Variants in DEGS1 observed in about 807,000 individuals in gnomAD.
DEGS1 encodes the protein sphingolipid delta(4)-desaturase DES1.
Under a neutral mutation model 24.1 loss-of-function variants are expected in DEGS1, and 17 were observed. The observed-to-expected ratio is 0.70, with a 90% CI of 0.48 to 1.06. DEGS1 has a LOEUF of 1.06. Ranked by LOEUF, DEGS1 falls within the 50% of genes least tolerant of loss-of-function variation. DEGS1 has a pLI of 0.00. For synonymous variants in DEGS1, 134 were observed against 140.0 expected (o/e 0.96, Z 0.30); for missense variants, 366 against 408.9 (o/e 0.90, Z 0.91).
chr1:224,187,268 A>G (rs557494370), intron 1 of DEGS1, among the ~76,000 whole-genome samples: 1 of 152,158 alleles, frequency 6.6e-6, no homozygotes, highest in African/African-American at 2.4e-5. Context: ...AGATCTCACC[A>G]TTGCACTCCA....
intron 1 of DEGS1, among the ~76,000 whole-genome samples, chr1:224,186,521 G>A (rs1658396811): frequency 6.6e-6 from 1 of 152,022 alleles, no homozygotes; most frequent in Non-Finnish European, 1.5e-5. Context: ...AGACCATCCT[G>A]GCTAACACGG....
chr1:224,187,050 T>G (rs1008231408), intron 1 of DEGS1, among the ~76,000 whole-genome samples: 4 of 152,178 alleles, frequency 2.6e-5, no homozygotes, highest in Non-Finnish European at 5.9e-5. Flanking sequence ...GGCTCATGGC[T>G]GTAATCCCAG....
chr1:224,193,071 A>AAC lies in DEGS1; in HGVS notation c.*594_*595insCA, dbSNP rs1658585547. 1 of 152,182 alleles carries AAC rather than the reference A, an allele frequency of 6.6e-6. No homozygotes were observed. The highest frequency in any genetic ancestry group is 1.5e-5 in the Non-Finnish European group (1 of 68,012). The allele number at this position is 152,182 out of a possible 1,614,324, so 9.4% of individuals were successfully genotyped here. ...CAAGACCCCATCTCAAAAATAAATA[A>AAC]ATATATATAAAAAATAAAAAGCTAT... is the stretch of plus-strand genomic sequence containing the variant. On this transcript the variant is annotated 3_prime_UTR_variant, in exon 3 of 3. Transcript: ENST00000323699.
At chr1:224,188,306 T>C (rs115869447) in intron 1 of DEGS1, among the ~76,000 whole-genome samples, 2,965 of 152,258 alleles carry the variant, frequency 0.019, 108 homozygotes, top group African/African-American at 0.068. Context: ...TAAAATAATA[T>C]TTCAATAAAA....
At position 224,183,416 on chromosome 1, in the gene DEGS1, TG is replaced by T; in HGVS notation, c.82+1del. ...CACGCCGACCGGCGCCGGGAGATCC[TG>T]GGTGAGGGCCAGCGGGCGCCCCGTT... ...QPHADRRREILAKYPEIKSLM... is the reference protein window; with the variant it reads ...QPHADRRREIXAKYPEIKSLM... On this transcript the variant is annotated frameshift_variant and splice_region_variant, in exon 1 of 3. Transcript: ENST00000323699. LOFTEE classifies it high-confidence loss of function. The T allele has an allele frequency of 7.1e-7, 1 of 1,415,538 alleles. No homozygotes were observed. The highest frequency in any genetic ancestry group is 9.3e-7 in the Non-Finnish European group (1 of 1,074,566). The allele number at this position is 1,415,538 out of a possible 1,614,324, so 87.7% of individuals were successfully genotyped here.
At chr1:224,184,088 G>T (rs1028790146) in intron 1 of DEGS1, among the ~76,000 whole-genome samples, 30 of 152,246 alleles carry the variant, frequency 2.0e-4, no homozygotes, top group African/African-American at 7.0e-4. Flanking sequence ...AGCCTGGGAC[G>T]TAAGAACGGC....
At chr1:224,187,662 T>C (rs1658431166) in intron 1 of DEGS1, among the ~76,000 whole-genome samples, 1 of 152,122 alleles carries the variant, frequency 6.6e-6, no homozygotes, top group Non-Finnish European at 1.5e-5. Context: ...CCAATAGCTT[T>C]ATTGAGATTA....
At chr1:224,191,912 A>G (rs146245482) in intron 2 of DEGS1, among the ~76,000 whole-genome samples, 55 of 152,114 alleles carry the variant, frequency 3.6e-4, no homozygotes, top group African/African-American at 1.3e-3. Context: ...CTTAATTTCT[A>G]TCTAATTAGC....
At chr1:224,183,731 G>A (rs759590014) in intron 1 of DEGS1, 1 of 246,210 alleles carries the variant, frequency 4.1e-6, no homozygotes, top group Non-Finnish European at 7.8e-6. Context: ...GGTGTCCCCG[G>A]CTGTGCCAGC....
At chr1:224,188,926 GTT>G (rs1328683864) in intron 1 of DEGS1, among the ~76,000 whole-genome samples, 1 of 152,092 alleles carries the variant, frequency 6.6e-6, no homozygotes, top group African/African-American at 2.4e-5. Context: ...TCTTATCAGA[GTT>G]TTATAATTTT....
rs574894859 is a variant in DEGS1 at position 224,193,248 on chromosome 1, T to G, written c.*770T>G. The G allele has an allele frequency of 1.3e-5, 2 of 152,286 alleles. No individual in the cohort carries two copies. Among genetic ancestry groups the G allele is most frequent in the South Asian group, 4.1e-4 (2 of 4,824 alleles). The allele number at this position is 152,286 out of a possible 1,614,324, so 9.4% of individuals were successfully genotyped here. A position where few individuals can be genotyped will look rare whatever the true frequency, so the allele number is the denominator to read the frequency against. ...TGGGTACCGGGGGAACTTTAAAATT[T>G]CATCTCAAAAATAATTTTTAAAAAG... On this transcript the variant is annotated 3_prime_UTR_variant, in exon 3 of 3. Coordinates refer to ENST00000323699, the MANE Select transcript of DEGS1 (RefSeq NM_003676.4).
Position 224,189,840 on chromosome 1 carries a change from A to G in DEGS1, c.346A>G (p.Ile116Val), listed in dbSNP as rs762589620. The G allele has an allele frequency of 4.3e-6, 7 of 1,614,070 alleles. No homozygotes were observed. The highest frequency in any genetic ancestry group is 2.2e-5 in the South Asian group (2 of 91,094). Residue 116 changes from isoleucine (I) to valine (V), a missense_variant, in exon 2 of 3, where the codon ATT becomes GTT. Physicochemically the swap from Ile to Val is conservative, Grantham distance 29. Transcript: ENST00000323699. ...RWFGMFANLP[I>V]GIPYSISFKR... ...GTTTGGAATGTTTGCTAATCTTCCT[A>G]TTGGGATTCCATATTCAATTTCCTT...
At position 224,189,998 on chromosome 1, in the gene DEGS1, C is replaced by T. The variant is rs758911500; in HGVS notation, c.504C>T (p.Leu168=). ...RKFIWVILQP[L]FYAFRPLFIN... is the part of the protein sequence containing the mutation. Reference sequence around the variant, plus strand: ...TTATATGGGTTATTCTTCAGCCTCTCTTTTATGCCTTTCGACCTCTGTTCA... The same window carrying T: ...TTATATGGGTTATTCTTCAGCCTCTTTTTTATGCCTTTCGACCTCTGTTCA... The change falls in exon 2 of 3, where the codon CTC becomes CTT. Residue 168 remains leucine, a synonymous_variant. Coordinates refer to ENST00000323699, the MANE Select transcript of DEGS1 (RefSeq NM_003676.4). The T allele has an allele frequency of 2.0e-5, 32 of 1,614,086 alleles. No individual in the cohort carries two copies. The highest frequency in any genetic ancestry group is 2.0e-5 in the Non-Finnish European group (24 of 1,180,052).
In DEGS1 at chr1:224,189,940, A is replaced by G; in HGVS notation, c.446A>G (p.Glu149Gly). 1.2e-6 allele frequency: 2 copies of G among 1,614,158 alleles called. No homozygotes were observed. The highest frequency in any genetic ancestry group is 1.7e-6 in the Non-Finnish European group (2 of 1,180,030). ...GVDVDIPTDF[E>G]GWFFCTAFRK... The stretch of plus-strand genomic sequence containing the variant: ...GATGTAGATATTCCTACCGATTTTG[A>G]GGGCTGGTTCTTCTGTACCGCTTTC... Residue 149 changes from glutamate to glycine, a missense_variant, in exon 2 of 3, where the codon GAG (glutamate) becomes GGG (glycine). Physicochemically the swap from Glu to Gly is moderately conservative, Grantham distance 98 (BLOSUM62 -2). Transcript: ENST00000323699.
At chr1:224,190,711 TTTTTAA>T (rs981141607) in intron 2 of DEGS1, among the ~76,000 whole-genome samples, 5 of 152,134 alleles carry the variant, frequency 3.3e-5, no homozygotes, top group African/African-American at 2.4e-5. Flanking sequence ...TTAGGATTTA[TTTTTAA>T]TTTTATTTTT....
chr1:224,184,893 G>A (rs1417176400), intron 1 of DEGS1, among the ~76,000 whole-genome samples: 1 of 150,376 alleles, frequency 6.6e-6, no homozygotes, highest in African/African-American at 2.5e-5. Flanking sequence ...CTAGCACTTC[G>A]GGAGGCTGAG....
chr1:224,189,849 C>T lies in DEGS1; in HGVS notation c.355C>T (p.Pro119Ser), dbSNP rs751125072. The change falls in exon 2 of 3, where the codon CCA becomes TCA. Residue 119 changes from proline to serine, a missense_variant. Pro to Ser is a moderately conservative substitution (Grantham distance 74). Transcript: ENST00000323699. ...GTTTGCTAATCTTCCTATTGGGATT[C>T]CATATTCAATTTCCTTTAAGAGGTA... ...GMFANLPIGI[P>S]YSISFKRYHM... The T allele has an allele frequency of 6.2e-7, 1 of 1,614,166 alleles. No homozygotes were observed. The highest frequency in any genetic ancestry group is 2.2e-5 in the East Asian group (1 of 44,888).
Position 224,188,854 on chromosome 1 carries a change from CACTTGT to C in DEGS1, c.83-716_83-711del, listed in dbSNP as rs572518296. Among the ~76,000 whole-genome samples the C allele has an allele frequency of 1.7e-4, 26 of 152,170 alleles. No individual in the cohort carries two copies. The South Asian group carries it at 5.0e-3, about 29-fold the overall frequency. ...GTCCGATTTCTCTGTTTTCTTTTGT[CACTTGT>C]ACTTGTTATAGTATCTAAGAAACCA... On this transcript the variant is annotated intron_variant, in intron 1 of 2. Coordinates refer to ENST00000323699, the MANE Select transcript of DEGS1 (RefSeq NM_003676.4).
rs763303678 is a variant in DEGS1 at position 224,183,327 on chromosome 1, C to G, written c.-10C>G. 1.4e-6 allele frequency: 2 copies of G among 1,480,258 alleles called. No homozygotes were observed. Among genetic ancestry groups the G allele is most frequent in the South Asian group, 1.3e-5 (1 of 76,854 alleles). 91.7% of individuals were successfully genotyped at this position (1,480,258 alleles called of 1,614,324 possible). On this transcript the variant is annotated 5_prime_UTR_variant, in exon 1 of 3. Transcript: ENST00000323699. ...AGCCGACAGCTAGTCTGCAAGCCAC[C>G]GCTGTCGCCATGGGGAGCCGCGTCT...
Sources: allele counts gnomAD v4.1 joint callset (sites outside exome capture counted in the v4.1 genomes callset), GRCh38; gene constraint gnomAD v4.1.1; transcripts MANE v1.5; gene names NCBI Gene and HGNC (gene_info 2026-07-23, HGNC 2026-07-21).